MYO3B: variants seen among roughly 807,000 people sequenced by gnomAD.
The protein encoded by MYO3B is myosin IIIB, also known as myosin-IIIb.
MYO3B carries 156 observed loss-of-function variants against 174.6 expected under a neutral mutation model. The ratio of observed to expected loss-of-function variants is 0.89; its 90% CI spans 0.78 to 1.02. MYO3B has a LOEUF of 1.02. Among genes scored for constraint, MYO3B ranks in the 50% least tolerant of loss-of-function variants. MYO3B has a pLI of 0.00. For synonymous variants in MYO3B, 563 were observed against 569.1 expected (o/e 0.99, Z 0.15); for missense variants, 1,632 against 1,639.4 (o/e 1.00, Z 0.08).
intron 32 of MYO3B, among the ~76,000 whole-genome samples, chr2:170,560,304 G>A (rs1288361227): frequency 6.6e-6 from 1 of 152,174 alleles, no homozygotes; most frequent in African/African-American, 2.4e-5. Flanking sequence ...GTGTCTGGCA[G>A]TTTGTGTAAT....
At chr2:170,194,792 C>A (rs1056999241) in intron 1 of MYO3B, among the ~76,000 whole-genome samples, 5 of 152,074 alleles carry the variant, frequency 3.3e-5, no homozygotes, top group Non-Finnish European at 7.4e-5. Flanking sequence ...GTAGATCAGT[C>A]CAAGTCCCAA....
At chr2:170,356,150 A>G (rs1327358709) in intron 8 of MYO3B, among the ~76,000 whole-genome samples, 1 of 151,538 alleles carries the variant, frequency 6.6e-6, no homozygotes, top group Non-Finnish European at 1.5e-5. Flanking sequence ...TTTACTGGAG[A>G]CGGGGTTTCA....
At chr2:170,376,141 A>G (rs1469269649) in intron 9 of MYO3B, among the ~76,000 whole-genome samples, 1 of 152,118 alleles carries the variant, frequency 6.6e-6, no homozygotes. Flanking sequence ...CAATTCTCCT[A>G]TTTTAAAATT....
At chr2:170,643,795 T>C (rs1442081988) in intron 32 of MYO3B, 1 of 152,382 alleles carries the variant, frequency 6.6e-6, no homozygotes, top group African/African-American at 2.4e-5. Context: ...AGGACCCCTG[T>C]GCGTTGCCTG....
Position 170,354,143 on chromosome 2 carries a change from G to A in MYO3B, c.816-15079G>A, listed in dbSNP as rs142591076. On this transcript the variant is annotated intron_variant, in intron 8 of 34. Coordinates refer to ENST00000408978, the MANE Select transcript of MYO3B (RefSeq NM_138995.5). ...TAATAGGATCCCGCAGAAAGAATCA[G>A]ACAACCCTGTTTAATGCTAGGCATT... 1.0e-3 allele frequency among the ~76,000 whole-genome samples: 158 copies of A among 152,338 alleles called. 1 individual carries two copies. Among genetic ancestry groups the A allele is most frequent in the South Asian group, 7.7e-3 (37 of 4,824 alleles).
At chr2:170,268,361 G>A (rs1204198061) in intron 7 of MYO3B, among the ~76,000 whole-genome samples, 2 of 152,136 alleles carry the variant, frequency 1.3e-5, no homozygotes, top group Non-Finnish European at 2.9e-5. Context: ...GGTAGTGTGG[G>A]CAGAATAAAA....
chr2:170,384,567 T>C (rs17579526), intron 12 of MYO3B, among the ~76,000 whole-genome samples: 9,661 of 152,200 alleles, frequency 0.063, 954 homozygotes, highest in East Asian at 0.5. Context: ...TATAACAACA[T>C]AGATTATAAA....
chr2:170,401,802 CT>C (rs769531863), intron 18 of MYO3B, 111 bp downstream of exon 18: 26,103 of 688,544 alleles, frequency 0.038, 1 homozygote, highest in Non-Finnish European at 0.042. Flanking sequence ...CTTTCTTTTT[CT>C]TTTTTTTTTT....
chr2:170,296,423 G>C (rs891436844), intron 7 of MYO3B, among the ~76,000 whole-genome samples: 5 of 152,196 alleles, frequency 3.3e-5, no homozygotes, highest in Admixed American at 3.3e-4. Flanking sequence ...CACAAGAGGG[G>C]TATTCAAACA....
At chr2:170,515,054 C>T (rs764795623) in intron 29 of MYO3B, 32 bp downstream of exon 29, 7 of 1,587,486 alleles carry the variant, frequency 4.4e-6, no homozygotes, top group Admixed American at 1.7e-5. Context: ...AATGAGTGTT[C>T]TAAATTCAGG....
At chr2:170,636,759 G>T (rs1311578522) in intron 32 of MYO3B, among the ~76,000 whole-genome samples, 1 of 152,088 alleles carries the variant, frequency 6.6e-6, no homozygotes, top group East Asian at 1.9e-4. Context: ...ATGCTGCCAG[G>T]TTTCTGATTG....
intron 32 of MYO3B, among the ~76,000 whole-genome samples, chr2:170,639,883 T>C (rs1559190344): frequency 6.6e-6 from 1 of 152,122 alleles, no homozygotes; most frequent in Non-Finnish European, 1.5e-5. Flanking sequence ...TTTCCCAGTG[T>C]CCAGGGAAAT....
chr2:170,599,043 C>T (rs1694323162), intron 32 of MYO3B, among the ~76,000 whole-genome samples: 1 of 152,178 alleles, frequency 6.6e-6, no homozygotes, highest in Admixed American at 6.5e-5. Context: ...GTGTTAGATA[C>T]ATACTTCTCA....
At chr2:170,326,195 C>T (rs959607830) in intron 7 of MYO3B, among the ~76,000 whole-genome samples, 28 of 150,870 alleles carry the variant, frequency 1.9e-4, no homozygotes, top group Non-Finnish European at 4.4e-5. Flanking sequence ...TCTCATTAGA[C>T]ACACTGTAAT....
At chr2:170,562,194 C>T (rs1351155031) in intron 32 of MYO3B, among the ~76,000 whole-genome samples, 1 of 152,088 alleles carries the variant, frequency 6.6e-6, no homozygotes, top group Non-Finnish European at 1.5e-5. Flanking sequence ...TTTTCTGAGC[C>T]ACTGTTACAT....
chr2:170,531,424 C>G (rs146982255), intron 30 of MYO3B, among the ~76,000 whole-genome samples: 1,753 of 152,234 alleles, frequency 0.012, 11 homozygotes, highest in Middle Eastern at 0.034. Flanking sequence ...GTAAGAACTT[C>G]ATAAACGCAC....
At chr2:170,634,469 CAAGATGGATTA>C (rs1389599500) in intron 32 of MYO3B, among the ~76,000 whole-genome samples, 4 of 145,456 alleles carry the variant, frequency 2.7e-5, no homozygotes, top group Non-Finnish European at 5.9e-5. Context: ...AAAATTAATT[CAAGATGGATTA>C]AAGACTTACA....
chr2:170,516,154 C>T (rs146921484), intron 29 of MYO3B, among the ~76,000 whole-genome samples: 366 of 152,238 alleles, frequency 2.4e-3, no homozygotes, highest in Non-Finnish European at 3.1e-3. Context: ...ACCTGAATGT[C>T]TTTAAGTGGG....
intron 28 of MYO3B, among the ~76,000 whole-genome samples, chr2:170,509,322 A>C (rs1575093974): frequency 6.6e-6 from 1 of 152,180 alleles, no homozygotes; most frequent in South Asian, 2.1e-4. Context: ...GCACCACTGC[A>C]CTCCAATCTG....
Sources: gnomAD v4.1 joint callset for allele counts (sites outside exome capture counted in the v4.1 genomes callset) on GRCh38, gnomAD v4.1.1 for gene constraint, MANE v1.5 for transcripts, NCBI Gene and HGNC (gene_info 2026-07-23, HGNC 2026-07-21) for gene names.